SLIT3: variants seen among roughly 807,000 people sequenced by gnomAD.
The protein encoded by SLIT3 is slit homolog 3 protein.
A neutral mutation model predicts 184.0 loss-of-function variants in SLIT3; 68 were observed. The observed-to-expected ratio is 0.37, with a 90% CI of 0.30 to 0.45. The LOEUF is 0.45. Ranked by LOEUF, SLIT3 falls within the 20% of genes least tolerant of loss-of-function variation. The pLI is 1.00. For synonymous variants in SLIT3, 831 were observed against 828.6 expected (o/e 1.00, Z -0.05); for missense variants, 1,707 against 2,026.0 (o/e 0.84, Z 3.02).
chr5:168,971,159 G>T (rs749072744), intron 4 of SLIT3, among the ~76,000 whole-genome samples: 2 of 152,204 alleles, frequency 1.3e-5, no homozygotes, highest in African/African-American at 4.8e-5. Flanking sequence ...AGGAAAGTAC[G>T]CTATTAGCAT....
chr5:169,196,990 C>G (rs1408825223), intron 3 of SLIT3, among the ~76,000 whole-genome samples: 1 of 152,100 alleles, frequency 6.6e-6, no homozygotes, highest in Non-Finnish European at 1.5e-5. Context: ...CCATTCCAGG[C>G]AAAAATCCTA....
chr5:169,049,444 A>G (rs1251272038), intron 4 of SLIT3, among the ~76,000 whole-genome samples: 1 of 152,186 alleles, frequency 6.6e-6, no homozygotes, highest in East Asian at 1.9e-4. Context: ...CTCTTAGGTT[A>G]TGCCGTTAAC....
At chr5:169,045,739 A>G (rs1319476519) in intron 4 of SLIT3, among the ~76,000 whole-genome samples, 4 of 152,176 alleles carry the variant, frequency 2.6e-5, no homozygotes, top group Non-Finnish European at 5.9e-5. Flanking sequence ...AAGCTCTTCC[A>G]TCCTACAGGA....
intron 5 of SLIT3, 45 bp downstream of exon 5, chr5:168,883,220 C>A (rs1183737947): frequency 6.5e-7 from 1 of 1,535,804 alleles, no homozygotes; most frequent in Non-Finnish European, 9.0e-7. Context: ...GTCAGAGAGC[C>A]CAAGTTAGCC....
chr5:169,259,455 A>C (rs1446333395), intron 1 of SLIT3, among the ~76,000 whole-genome samples: 3 of 152,184 alleles, frequency 2.0e-5, no homozygotes, highest in Non-Finnish European at 4.4e-5. Context: ...CTTGGGATAG[A>C]CTTTTAAAAA....
At chr5:168,797,064 G>A (rs955579750) in intron 9 of SLIT3, among the ~76,000 whole-genome samples, 2 of 151,934 alleles carry the variant, frequency 1.3e-5, no homozygotes, top group African/African-American at 2.4e-5. Context: ...GGAGGGGGGC[G>A]GGGAGTGCAC....
intron 4 of SLIT3, among the ~76,000 whole-genome samples, chr5:169,107,367 C>T (rs756282648): frequency 9.5e-4 from 145 of 152,298 alleles, no homozygotes; most frequent in Non-Finnish European, 1.7e-3. Context: ...TATTTAATTT[C>T]GTAAGAGCTG....
chr5:168,962,307 C>CACAA (rs1433622738), intron 4 of SLIT3, among the ~76,000 whole-genome samples: 1 of 135,598 alleles, frequency 7.4e-6, no homozygotes, highest in African/African-American at 3.1e-5. Flanking sequence ...ACCCCCCACC[C>CACAA]CACAACACAC....
At chr5:169,025,806 CT>C in intron 4 of SLIT3, among the ~76,000 whole-genome samples, 1 of 152,286 alleles carries the variant, frequency 6.6e-6, no homozygotes, top group Admixed American at 6.5e-5. Context: ...TAAAAATTGC[CT>C]TCACTTGGCT....
intron 4 of SLIT3, among the ~76,000 whole-genome samples, chr5:168,971,934 T>C (rs1754590409): frequency 6.6e-6 from 1 of 152,218 alleles, no homozygotes; most frequent in Non-Finnish European, 1.5e-5. Context: ...ACTTAGGTTA[T>C]AGTTAGGGAA....
At chr5:168,759,128 A>C (rs1179700197) in intron 16 of SLIT3, among the ~76,000 whole-genome samples, 1 of 152,176 alleles carries the variant, frequency 6.6e-6, no homozygotes, top group Admixed American at 6.5e-5. Flanking sequence ...GGAATCTGAA[A>C]CACTCCTGAT....
chr5:168,816,476 T>C (rs1757337488), intron 8 of SLIT3, among the ~76,000 whole-genome samples: 1 of 152,192 alleles, frequency 6.6e-6, no homozygotes, highest in Admixed American at 6.5e-5. Context: ...TATGAGCCAC[T>C]GTGCCCAGCC....
At chr5:168,903,919 G>T in intron 4 of SLIT3, among the ~76,000 whole-genome samples, 1 of 152,228 alleles carries the variant, frequency 6.6e-6, no homozygotes, top group Non-Finnish European at 1.5e-5. Context: ...TCTGATCGAA[G>T]TGGGGACACT....
intron 20 of SLIT3, among the ~76,000 whole-genome samples, chr5:168,735,105 G>A (rs1006634009): frequency 8.5e-5 from 13 of 152,134 alleles, no homozygotes; most frequent in Non-Finnish European, 1.6e-4. Flanking sequence ...CTGCCCTCTT[G>A]CCCCACCAGC....
intron 4 of SLIT3, among the ~76,000 whole-genome samples, chr5:169,070,579 C>T (rs866808909): frequency 6.6e-6 from 1 of 152,098 alleles, no homozygotes; most frequent in African/African-American, 2.4e-5. Context: ...AGCGTGTTAT[C>T]GGTATTTCCA....
chr5:168,959,096 A>C (rs749543459), intron 4 of SLIT3, among the ~76,000 whole-genome samples: 2 of 152,262 alleles, frequency 1.3e-5, no homozygotes. Context: ...TTTGAAAAGA[A>C]TGTGGTTGCT....
chr5:168,857,365 A>AGTTTTT (rs144007455), intron 5 of SLIT3, among the ~76,000 whole-genome samples: 2,629 of 144,588 alleles, frequency 0.018, 37 homozygotes, highest in East Asian at 0.063. Flanking sequence ...CCAGCAGTAG[A>AGTTTTT]GTTTTTGTTT....
chr5:168,846,312 T>C (rs1758464566), intron 5 of SLIT3, among the ~76,000 whole-genome samples: 1 of 152,126 alleles, frequency 6.6e-6, no homozygotes, highest in Non-Finnish European at 1.5e-5. Flanking sequence ...GTGTTCAAAG[T>C]TCTCACTGAT....
At chr5:168,753,677 G>A (rs936760603) in intron 17 of SLIT3, among the ~76,000 whole-genome samples, 187 bp downstream of exon 17, 17 of 152,288 alleles carry the variant, frequency 1.1e-4, no homozygotes, top group Admixed American at 5.9e-4. Context: ...TGCTGGAGGT[G>A]TTCAGCATGC....
Sources: allele counts gnomAD v4.1 joint callset (sites outside exome capture counted in the v4.1 genomes callset), GRCh38; gene constraint gnomAD v4.1.1; transcripts MANE v1.5; gene names NCBI Gene and HGNC (gene_info 2026-07-23, HGNC 2026-07-21).